Variants in FAT1 observed in about 807,000 individuals in gnomAD.
The protein encoded by FAT1 is FAT atypical cadherin 1.
Under a neutral mutation model 329.8 loss-of-function variants are expected in FAT1, and 171 were observed. The observed-to-expected ratio is 0.52, with a 90% confidence interval of 0.46 to 0.59. FAT1 has a LOEUF of 0.59. Ranked by LOEUF, FAT1 falls within the 20% of genes least tolerant of loss-of-function variation. The pLI, the probability that FAT1 is intolerant of heterozygous loss-of-function variation, is 0.00. For synonymous variants in FAT1, 2,233 were observed against 2,228.6 expected, an observed-to-expected ratio of 1.00 and a Z score of -0.06; for missense variants, 5,672 against 5,774.4, an observed-to-expected ratio of 0.98 and a Z score of 0.57.
chr4:186,592,537 C>G (rs1329381477), intron 26 of FAT1, among the ~76,000 whole-genome samples: 1 of 152,210 alleles, frequency 6.6e-6, no homozygotes, highest in African/African-American at 2.4e-5. Context: ...GCAAAGCACT[C>G]ATATTACGTA....
In FAT1 at chr4:186,609,787, G is replaced by GT. The variant is rs752612681; in HGVS notation, c.10068+13_10068+14insA. 9 of 1,586,456 alleles carry GT rather than the reference G, an allele frequency of 5.7e-6. No homozygotes were observed. Among genetic ancestry groups the GT allele is most frequent in the Non-Finnish European group, 7.8e-6 (9 of 1,155,120 alleles). On this transcript the variant is annotated intron_variant, in intron 15 of 26. Transcript: ENST00000441802. Reference sequence around the variant, plus strand: ...GATACACAGTTTTCACTGTAATGGGGAAAAAATACACACCGTGATGACAGA... The same window carrying GT: ...GATACACAGTTTTCACTGTAATGGGGTAAAAAATACACACCGTGATGACAGA...
intron 21 of FAT1, 118 bp downstream of exon 21, chr4:186,601,151 T>C: frequency 1.1e-6 from 1 of 920,450 alleles, no homozygotes; most frequent in Non-Finnish European, 1.6e-6. Flanking sequence ...ATTATTTAAA[T>C]GTGGAATTCA....
At chr4:186,721,149 T>C (rs1249649718) in intron 1 of FAT1, among the ~76,000 whole-genome samples, 1 of 152,262 alleles carries the variant, frequency 6.6e-6, no homozygotes, top group Admixed American at 6.5e-5. Flanking sequence ...AAGCCTTTAT[T>C]ATTTTTACTT....
At chr4:186,639,890 C>T (rs1034069750) in intron 3 of FAT1, 107 bp from the exon 4 acceptor site, 1 of 941,198 alleles carries the variant, frequency 1.1e-6, no homozygotes, top group Non-Finnish European at 1.7e-6. Flanking sequence ...TGCCTTAATC[C>T]CAGCACTTTG....
chr4:186,655,191 T>C (rs544036595), intron 3 of FAT1, among the ~76,000 whole-genome samples: 2 of 152,174 alleles, frequency 1.3e-5, no homozygotes, highest in Non-Finnish European at 2.9e-5. Flanking sequence ...CAAACATACA[T>C]ATATAGTCAA....
chr4:186,663,898 A>T (rs1028475807), intron 2 of FAT1, among the ~76,000 whole-genome samples: 7 of 152,232 alleles, frequency 4.6e-5, no homozygotes, highest in African/African-American at 1.7e-4. Context: ...CACTAAATGG[A>T]GCACTTTAAA....
Position 186,628,161 on chromosome 4 carries a change from G to T in FAT1, c.4803C>A (p.Ile1601=), listed in dbSNP as rs775270329. 1 of 1,613,582 alleles carries T rather than the reference G, an allele frequency of 6.2e-7. No homozygotes were observed. Among genetic ancestry groups the T allele is most frequent in the South Asian group, 1.1e-5 (1 of 90,918 alleles). ...TGAAGGCTCCAAAAGTACCTGACTC[G>T]ATCGAGTACAGCACTTCAGCATTTT... ...KGKNAEVLYS[I]ESGNIGNSFM... Residue 1601 remains isoleucine (I), a synonymous_variant, in exon 9 of 27, where the codon ATC becomes ATA. Transcript: ENST00000441802.
intron 2 of FAT1, among the ~76,000 whole-genome samples, chr4:186,666,321 C>CA (rs1440789814): frequency 1.4e-4 from 21 of 152,298 alleles, no homozygotes; most frequent in African/African-American, 4.8e-4. Context: ...GCATAATGCA[C>CA]ACACACTCAA....
intron 1 of FAT1, among the ~76,000 whole-genome samples, chr4:186,719,731 G>A (rs1235875433): frequency 2.6e-5 from 4 of 152,178 alleles, no homozygotes; most frequent in African/African-American, 9.7e-5. Context: ...CAGCCTCCTG[G>A]CTCTCAAACC....
intron 7 of FAT1, among the ~76,000 whole-genome samples, chr4:186,630,864 A>G (rs929194113): frequency 4.6e-5 from 7 of 152,144 alleles, no homozygotes; most frequent in Non-Finnish European, 1.0e-4. Flanking sequence ...GTTAAAGAAG[A>G]TATGAAAGCA....
intron 6 of FAT1, 30 bp downstream of exon 6, chr4:186,635,995 C>T (rs745381749): frequency 1.0e-5 from 16 of 1,602,314 alleles, no homozygotes; most frequent in Middle Eastern, 1.7e-4. Context: ...GTAACCCATA[C>T]GGACAACGAA....
chr4:186,666,887 G>A (rs1216921803), intron 2 of FAT1, among the ~76,000 whole-genome samples: 1 of 152,220 alleles, frequency 6.6e-6, no homozygotes, highest in Non-Finnish European at 1.5e-5. Context: ...TGGCAGAGCT[G>A]GAGTGTGAAT....
At chr4:186,684,395 C>A (rs932586757) in intron 2 of FAT1, among the ~76,000 whole-genome samples, 3 of 152,146 alleles carry the variant, frequency 2.0e-5, no homozygotes, top group Non-Finnish European at 2.9e-5. Context: ...ACAGTATCTG[C>A]GAGGGGCTGA....
At chr4:186,657,558 A>G (rs1012760381) in intron 3 of FAT1, among the ~76,000 whole-genome samples, 1 of 152,170 alleles carries the variant, frequency 6.6e-6, no homozygotes, top group Non-Finnish European at 1.5e-5. Flanking sequence ...TCACTGCCTG[A>G]TAGTGGTGAT....
At chr4:186,697,885 T>G (rs1744114106) in intron 2 of FAT1, among the ~76,000 whole-genome samples, 1 of 152,160 alleles carries the variant, frequency 6.6e-6, no homozygotes, top group Non-Finnish European at 1.5e-5. Flanking sequence ...AGACGGTCAG[T>G]GCATGAACAC....
intron 26 of FAT1, among the ~76,000 whole-genome samples, chr4:186,594,268 T>TTGTTA (rs762536933): frequency 1.5e-4 from 23 of 151,582 alleles, no homozygotes; most frequent in African/African-American, 1.5e-4. Context: ...GGGGTTTCAC[T>TTGTTA]GCCAGGACGG....
At chr4:186,716,731 T>C (rs904966366) in intron 1 of FAT1, among the ~76,000 whole-genome samples, 6 of 152,198 alleles carry the variant, frequency 3.9e-5, no homozygotes, top group African/African-American at 1.4e-4. Flanking sequence ...AAACACATTT[T>C]CAAAGCAGGA....
chr4:186,589,319 AT>A, intron 26 of FAT1, 99 bp from the exon 27 acceptor site: 1 of 1,285,106 alleles, frequency 7.8e-7, no homozygotes, highest in Non-Finnish European at 1.1e-6. Context: ...ATGCAACCGC[AT>A]TTATGCCTTC....
intron 2 of FAT1, among the ~76,000 whole-genome samples, chr4:186,699,135 T>C (rs1330797623): frequency 6.6e-6 from 1 of 152,144 alleles, no homozygotes; most frequent in Non-Finnish European, 1.5e-5. Flanking sequence ...AAGTACTCAC[T>C]AAACGTTAAC....
Sources: gnomAD v4.1 joint callset for allele counts (sites outside exome capture counted in the v4.1 genomes callset) on GRCh38, gnomAD v4.1.1 for gene constraint, MANE v1.5 for transcripts, NCBI Gene and HGNC (gene_info 2026-07-23, HGNC 2026-07-21) for gene names.